ZNF395: variants seen among roughly 807,000 people sequenced by gnomAD.
The protein encoded by ZNF395 is zinc finger protein 395, also known as HD gene regulatory region-binding protein 2.
A neutral mutation model predicts 57.7 loss-of-function variants in ZNF395; 20 were observed. That is an observed-to-expected ratio of 0.35 (90% CI 0.24 to 0.50). ZNF395 has a LOEUF of 0.50. Among genes scored for constraint, ZNF395 ranks in the 20% least tolerant of loss-of-function variants. The pLI, the probability that ZNF395 is intolerant of heterozygous loss-of-function variation, is 0.97. For synonymous variants in ZNF395, 295 were observed against 275.9 expected, an observed-to-expected ratio of 1.07 and a Z score of -0.69; for missense variants, 606 against 671.2, an observed-to-expected ratio of 0.90 and a Z score of 1.07.
rs759653464 is a variant in ZNF395, at chr8:28,351,705, T to TGCG, written c.1020_1022dup (p.Ala341dup). 8.7e-6 allele frequency: 14 copies of TGCG among 1,610,318 alleles called. No individual in the cohort carries two copies. Among genetic ancestry groups the TGCG allele is most frequent in the Admixed American group, 1.7e-5 (1 of 59,978 alleles). On this transcript the variant is annotated inframe_insertion, in exon 7 of 10. Transcript: ENST00000344423. ...TGGGAGTCCCAGGGACTGGGGTGCC[T>TGCG]GCGGCAGCAGCAGCAGCAGCAGCAG...
At position 28,356,865 on chromosome 8, in the gene ZNF395, G is replaced by T; in HGVS notation, c.474-86C>A. 1 of 1,060,734 alleles carries T rather than the reference G, an allele frequency of 9.4e-7. No individual in the cohort carries two copies. The highest frequency in any genetic ancestry group is 1.4e-6 in the Non-Finnish European group (1 of 720,250). The allele number at this position is 1,060,734 out of a possible 1,614,324, so 65.7% of individuals were successfully genotyped here. A position where few individuals can be genotyped will look rare whatever the true frequency, so the allele number is the denominator to read the frequency against. Reference sequence around the variant, plus strand: ...GCAAAACGAGACACCACTTCTGGCTGGTTTCACACAATCATCTTACACTTC... The same window carrying T: ...GCAAAACGAGACACCACTTCTGGCTTGTTTCACACAATCATCTTACACTTC... On this transcript the variant is annotated intron_variant, in intron 3 of 9. Transcript: ENST00000344423. This position sits in a 1 kb window ranked among gnomAD's most constrained non-coding sequence, Gnocchi z 4.0.
At chr8:28,370,013 T>C (rs1240776154) in intron 1 of ZNF395, among the ~76,000 whole-genome samples, 20 of 152,162 alleles carry the variant, frequency 1.3e-4, no homozygotes, top group Admixed American at 1.3e-3. Context: ...CTGTGTTGTA[T>C]AATGAGATGA....
At position 28,359,743 on chromosome 8, in the gene ZNF395, G is replaced by A. The variant is rs1449507110; in HGVS notation, c.322C>T (p.Leu108=). 1 of 1,614,088 alleles carries A rather than the reference G, an allele frequency of 6.2e-7. No homozygotes were observed. Among genetic ancestry groups the A allele is most frequent in the African/African-American group, 1.3e-5 (1 of 75,038 alleles). ...CAGACCTGCAGCTTCTGCTCCAGCAGCCAGACGGTCACCTGACCCTCCATC... is the reference window on the plus strand; with the variant it reads ...CAGACCTGCAGCTTCTGCTCCAGCAACCAGACGGTCACCTGACCCTCCATC... ...SWMEGQVTVW[L]LEQKLQVCCR... is the part of the protein sequence containing the mutation. Residue 108 remains leucine, a synonymous_variant, in exon 3 of 10, where the codon CTG becomes TTG. Coordinates refer to ENST00000344423, the MANE Select transcript of ZNF395 (RefSeq NM_018660.3). The surrounding 1 kb of genome is among the most constrained non-coding windows in gnomAD (Gnocchi z 4.7).
chr8:28,377,162 C>T (rs903658858), intron 1 of ZNF395, among the ~76,000 whole-genome samples: 2 of 152,038 alleles, frequency 1.3e-5, no homozygotes, highest in African/African-American at 4.8e-5. Flanking sequence ...CTAAATAAAG[C>T]ATATATTTCA....
chr8:28,351,675 G>A lies in ZNF395; in HGVS notation c.1053C>T (p.Ser351=), dbSNP rs375644952. ...TCATGCTGGGGGTGGGAGCTGGCTCGGAGGTGGGAGTCCCAGGGACTGGGG... is the reference window on the plus strand; with the variant it reads ...TCATGCTGGGGGTGGGAGCTGGCTCAGAGGTGGGAGTCCCAGGGACTGGGG... The part of the protein sequence containing the change: ...AGTPVPGTPT[S]EPAPTPSMTG... Residue 351 remains serine, a synonymous_variant, in exon 7 of 10, where the codon TCC becomes TCT. Coordinates refer to ENST00000344423, the MANE Select transcript of ZNF395 (RefSeq NM_018660.3). 2.6e-5 allele frequency: 42 copies of A among 1,612,386 alleles called. No individual in the cohort carries two copies. Among genetic ancestry groups the A allele is most frequent in the Middle Eastern group, 3.3e-4 (2 of 6,084 alleles).
rs202026928 is a variant in ZNF395 at position 28,349,147 on chromosome 8, G to T, written c.1408C>A (p.Pro470Thr). Residue 470 changes from proline to threonine, a missense_variant, in exon 9 of 10, where the codon CCC becomes ACC. Coordinates refer to ENST00000344423, the MANE Select transcript of ZNF395 (RefSeq NM_018660.3). ...MKSHLIVTSP[P>T]RAQSGARKAR... is the part of the protein sequence containing the mutation. The stretch of plus-strand genomic sequence containing the variant: ...CACCTGGCACCACTCTGGGCCCGGG[G>T]TGGAGAAGTGACGATCAGATGAGAT... The T allele has an allele frequency of 3.2e-6, 5 of 1,565,726 alleles. No homozygotes were observed. Among genetic ancestry groups the T allele is most frequent in the Admixed American group, 3.9e-5 (2 of 50,890 alleles).
At chr8:28,379,895 T>G (rs1441405126) in intron 1 of ZNF395, among the ~76,000 whole-genome samples, 1 of 150,100 alleles carries the variant, frequency 6.7e-6, no homozygotes, top group Admixed American at 6.6e-5. Flanking sequence ...CAACTGGTAT[T>G]TGTATTTTGA....
At chr8:28,362,373 T>G (rs1801860962) in intron 1 of ZNF395, among the ~76,000 whole-genome samples, 1 of 152,188 alleles carries the variant, frequency 6.6e-6, no homozygotes, top group Non-Finnish European at 1.5e-5. Context: ...GTTCCTAATC[T>G]CTGCTGTTCC....
At chr8:28,385,568 CG>C (rs1383547221) in intron 1 of ZNF395, among the ~76,000 whole-genome samples, 1 of 150,356 alleles carries the variant, frequency 6.7e-6, no homozygotes, top group African/African-American at 2.4e-5. Context: ...CCCTCTGTCC[CG>C]CCCGTCCCGC....
intron 1 of ZNF395, among the ~76,000 whole-genome samples, chr8:28,361,459 T>C (rs1801848915): frequency 6.6e-6 from 1 of 152,342 alleles, no homozygotes; most frequent in Admixed American, 6.5e-5. Flanking sequence ...GTAAACTGTA[T>C]TTTTACTTAA....
At chr8:28,378,251 G>A (rs1268500689) in intron 1 of ZNF395, among the ~76,000 whole-genome samples, 2 of 151,942 alleles carry the variant, frequency 1.3e-5, no homozygotes, top group Non-Finnish European at 2.9e-5. Context: ...TTGAGTCGAG[G>A]TCTCACTCTG....
At chr8:28,385,694 G>A (rs1802169260) in intron 1 of ZNF395, among the ~76,000 whole-genome samples, 2 of 148,734 alleles carry the variant, frequency 1.3e-5, no homozygotes, top group Admixed American at 6.7e-5. Context: ...GGGCCGGGGA[G>A]GGGCAGGCGG....
intron 1 of ZNF395, among the ~76,000 whole-genome samples, chr8:28,383,287 CTG>C (rs749836208): frequency 1.3e-5 from 2 of 152,114 alleles, no homozygotes; most frequent in Non-Finnish European, 2.9e-5. Context: ...GCAAATCACC[CTG>C]TGTCACCCTT....
chr8:28,353,193 G>A lies in ZNF395; in HGVS notation c.799C>T (p.Pro267Ser), dbSNP rs1801739058. ...TDPDPFLLDEPAPRKRKNSVK... is the reference protein window; with the variant it reads ...TDPDPFLLDESAPRKRKNSVK... Reference sequence around the variant, plus strand: ...CGTACCTTTCTTTTTCGTGGAGCTGGTTCGTCCAGCAGGAAAGGGTCAGGA... The same window carrying A: ...CGTACCTTTCTTTTTCGTGGAGCTGATTCGTCCAGCAGGAAAGGGTCAGGA... The change falls in exon 5 of 10, where the codon CCA (proline) becomes TCA (serine). Residue 267 changes from proline (P) to serine (S), a missense_variant. Around this residue, in one of 3 missense-constraint regions of ZNF395, gnomAD observed 309 missense variants for 374.7 expected, o/e 0.82. Coordinates refer to ENST00000344423, the MANE Select transcript of ZNF395 (RefSeq NM_018660.3). 1 of 1,613,250 alleles carries A rather than the reference G, an allele frequency of 6.2e-7. No homozygotes were observed. Among genetic ancestry groups the A allele is most frequent in the African/African-American group, 1.3e-5 (1 of 74,814 alleles).
chr8:28,385,703 G>A (rs1005370555), intron 1 of ZNF395, among the ~76,000 whole-genome samples: 1 of 148,688 alleles, frequency 6.7e-6, no homozygotes, highest in Admixed American at 6.7e-5. Context: ...AGGGGCAGGC[G>A]GGCCGGTCCC....
Position 28,350,140 on chromosome 8 carries a change from T to G in ZNF395, c.1250A>C (p.Gln417Pro), listed in dbSNP as rs1801663024. Reference sequence around the variant, plus strand: ...GTAGATGTGTGGTGAGACTGGGATCTGGAAGGATGGCAGAGCCTGCGGAAG... The same window carrying G: ...GTAGATGTGTGGTGAGACTGGGATCGGGAAGGATGGCAGAGCCTGCGGAAG... ...DHAYQALPSFQIPVSPHIYTS... is the reference protein window; with the variant it reads ...DHAYQALPSFPIPVSPHIYTS... Residue 417 changes from glutamine to proline, a missense_variant, in exon 8 of 10, where the codon CAG (glutamine) becomes CCG (proline). Around this residue, in one of 3 missense-constraint regions of ZNF395, gnomAD observed 261 missense variants for 240.3 expected, o/e 1.09. Coordinates refer to ENST00000344423, the MANE Select transcript of ZNF395 (RefSeq NM_018660.3). 1 of 1,607,554 alleles carries G rather than the reference T, an allele frequency of 6.2e-7. No individual in the cohort carries two copies. Among genetic ancestry groups the G allele is most frequent in the African/African-American group, 1.3e-5 (1 of 74,780 alleles).
At chr8:28,385,776 G>T (rs1802170832) in intron 1 of ZNF395, among the ~76,000 whole-genome samples, 1 of 148,490 alleles carries the variant, frequency 6.7e-6, no homozygotes, top group Non-Finnish European at 1.5e-5. Context: ...GAGTGGGGGC[G>T]CCGGCGGAGG....
In ZNF395 at chr8:28,351,408, CCATCAGGGTGGTCGGTA is replaced by C. The variant is rs1563336106; in HGVS notation, c.1233+70_1233+86del. ...CAATTTGGCCAAAGGGCTCAGCCTT[CCATCAGGGTGGTCGGTA>C]GCCTGTAATCAAGCTGGCCCGTGAT... On this transcript the variant is annotated intron_variant, in intron 7 of 9. Transcript: ENST00000344423. 4 of 1,437,298 alleles carry C rather than the reference CCATCAGGGTGGTCGGTA, an allele frequency of 2.8e-6. No homozygotes were observed. In the African/African-American group the frequency reaches 5.7e-5, roughly 20 times the overall value. The allele number at this position is 1,437,298 out of a possible 1,614,324, so 89.0% of individuals were successfully genotyped here.
rs967863713 is a variant in ZNF395, at chr8:28,359,259, A to G, written c.473+333T>C. On this transcript the variant is annotated intron_variant, in intron 3 of 9. Transcript: ENST00000344423. This position sits in a 1 kb window ranked among gnomAD's most constrained non-coding sequence, Gnocchi z 4.7. ...CTACCAAAAAATACAAAAATTAGCCAGGCGTGGTGGTGCACGCCTGTAATC... is the reference window on the plus strand; with the variant it reads ...CTACCAAAAAATACAAAAATTAGCCGGGCGTGGTGGTGCACGCCTGTAATC... 2.0e-5 allele frequency among the ~76,000 whole-genome samples: 3 copies of G among 152,116 alleles called. No homozygotes were observed. The highest frequency in any genetic ancestry group is 7.2e-5 in the African/African-American group (3 of 41,428).
Sources: allele counts gnomAD v4.1 joint callset (sites outside exome capture counted in the v4.1 genomes callset), GRCh38; gene constraint gnomAD v4.1.1; regional missense constraint gnomAD v4.1.1; non-coding constraint Gnocchi (gnomAD v3.1); transcripts MANE v1.5; gene names NCBI Gene and HGNC (gene_info 2026-07-23, HGNC 2026-07-21).